The following PITPNB variants were observed in gnomAD, a reference collection of about 807,000 sequenced individuals.
PITPNB encodes phosphatidylinositol transfer protein beta, also known as phosphatidylinositol transfer protein beta isoform.
PITPNB carries 16 observed loss-of-function variants against 45.9 expected under a neutral mutation model. The ratio of observed to expected loss-of-function variants is 0.35; its 90% CI spans 0.24 to 0.53. The LOEUF is 0.53. Among genes scored for constraint, PITPNB ranks in the 20% least tolerant of loss-of-function variants. The pLI, the probability that PITPNB is intolerant of heterozygous loss-of-function variation, is 0.93. For synonymous variants in PITPNB, 112 were observed against 108.9 expected (o/e 1.03, Z -0.18); for missense variants, 188 against 330.5 (o/e 0.57, Z 3.34).
chr22:27,869,322 C>T (rs1934580230), intron 8 of PITPNB, among the ~76,000 whole-genome samples: 2 of 152,098 alleles, frequency 1.3e-5, no homozygotes, highest in African/African-American at 4.8e-5. Flanking sequence ...CAACTGAGGC[C>T]TGCATCTCTG....
chr22:27,872,847 T>C (rs568272580), intron 8 of PITPNB, among the ~76,000 whole-genome samples: 1 of 152,244 alleles, frequency 6.6e-6, no homozygotes, highest in Non-Finnish European at 1.5e-5. Context: ...CATTAAGACT[T>C]CTTTAAGGAT....
chr22:27,905,887 G>C (rs1935743476), intron 3 of PITPNB, among the ~76,000 whole-genome samples: 1 of 152,222 alleles, frequency 6.6e-6, no homozygotes, highest in African/African-American at 2.4e-5. Context: ...AATACCATCT[G>C]AAAGTTACAA....
Position 27,919,196 on chromosome 22 carries a change from C to T in PITPNB, c.-5G>A. ...CAATTCCTTGATCAGCACCATCTTC[C>T]CGGAACCCCCTCACAGCTGCCGCCG... On this transcript the variant is annotated 5_prime_UTR_variant, in exon 1 of 12. Coordinates refer to ENST00000335272, the MANE Select transcript of PITPNB (RefSeq NM_012399.5). The T allele has an allele frequency of 1.9e-6, 3 of 1,613,490 alleles. No individual in the cohort carries two copies. The highest frequency in any genetic ancestry group is 1.1e-5 in the South Asian group (1 of 91,084).
At chr22:27,893,759 C>T (rs1009991411) in intron 7 of PITPNB, among the ~76,000 whole-genome samples, 1 of 151,698 alleles carries the variant, frequency 6.6e-6, no homozygotes, top group Non-Finnish European at 1.5e-5. Flanking sequence ...CCCAGCTAAT[C>T]GTTTTTTTCT....
chr22:27,902,580 A>G (rs1005407182), intron 3 of PITPNB, among the ~76,000 whole-genome samples: 2 of 152,238 alleles, frequency 1.3e-5, no homozygotes, highest in Non-Finnish European at 2.9e-5. Context: ...ATAAAAACTA[A>G]AACTATAAAA....
chr22:27,909,167 C>A (rs1935845692), intron 3 of PITPNB, among the ~76,000 whole-genome samples: 1 of 151,134 alleles, frequency 6.6e-6, no homozygotes, highest in African/African-American at 2.4e-5. Flanking sequence ...CTCTTAAAAG[C>A]CATTACTGGT....
chr22:27,910,144 G>A (rs530251843), intron 3 of PITPNB, among the ~76,000 whole-genome samples: 1 of 152,028 alleles, frequency 6.6e-6, no homozygotes, highest in African/African-American at 2.4e-5. Context: ...TAGAGACAGG[G>A]TTTCACCATG....
intron 8 of PITPNB, among the ~76,000 whole-genome samples, chr22:27,873,395 T>C (rs983485558): frequency 6.6e-6 from 1 of 152,246 alleles, no homozygotes; most frequent in African/African-American, 2.4e-5. Flanking sequence ...CAGTTTTTAA[T>C]AAGACTAAAT....
At chr22:27,872,285 G>A (rs1486191964) in intron 8 of PITPNB, among the ~76,000 whole-genome samples, 1 of 151,614 alleles carries the variant, frequency 6.6e-6, no homozygotes, top group Non-Finnish European at 1.5e-5. Flanking sequence ...GTAGAGATGG[G>A]GTTTCAACAT....
intron 9 of PITPNB, among the ~76,000 whole-genome samples, chr22:27,858,762 T>TA (rs1358189775): frequency 1.3e-5 from 2 of 152,242 alleles, no homozygotes; most frequent in Non-Finnish European, 2.9e-5. Context: ...TAGTAGAAAC[T>TA]AAAAAAATGC....
At chr22:27,911,675 C>T (rs111800232) in intron 2 of PITPNB, among the ~76,000 whole-genome samples, 7 of 152,270 alleles carry the variant, frequency 4.6e-5, no homozygotes, top group African/African-American at 1.2e-4. Flanking sequence ...TAACTTATGA[C>T]TTATTTATGA....
chr22:27,915,070 T>C (rs898130960), intron 1 of PITPNB, among the ~76,000 whole-genome samples: 1 of 152,208 alleles, frequency 6.6e-6, no homozygotes, highest in Non-Finnish European at 1.5e-5. Context: ...TATTGTTTTA[T>C]CAAAATATTG....
At chr22:27,870,264 T>C (rs1246171857) in intron 8 of PITPNB, among the ~76,000 whole-genome samples, 2 of 152,218 alleles carry the variant, frequency 1.3e-5, no homozygotes, top group Non-Finnish European at 2.9e-5. Context: ...AAAGATTAAA[T>C]GTAACCTTGT....
chr22:27,916,449 C>T (rs1012581884), intron 1 of PITPNB, among the ~76,000 whole-genome samples: 3 of 152,156 alleles, frequency 2.0e-5, no homozygotes, highest in African/African-American at 7.2e-5. Context: ...TCATCTACTG[C>T]TTAAATAATA....
At chr22:27,871,098 A>G (rs896916261) in intron 8 of PITPNB, among the ~76,000 whole-genome samples, 8 of 152,258 alleles carry the variant, frequency 5.3e-5, no homozygotes, top group African/African-American at 1.7e-4. Flanking sequence ...GAAATACAAA[A>G]TTCACATTAT....
intron 1 of PITPNB, among the ~76,000 whole-genome samples, chr22:27,917,755 A>G (rs552388198): frequency 1.3e-5 from 2 of 152,356 alleles, no homozygotes; most frequent in South Asian, 4.1e-4. Context: ...TGGCCCTTAC[A>G]TGTAAAAAGA....
intron 8 of PITPNB, among the ~76,000 whole-genome samples, chr22:27,869,078 C>T (rs1410688282): frequency 6.7e-6 from 1 of 150,086 alleles, no homozygotes; most frequent in Admixed American, 6.6e-5. Flanking sequence ...GAAACAGGTA[C>T]ACACACACAC....
chr22:27,876,073 C>T (rs1784497922), intron 7 of PITPNB, among the ~76,000 whole-genome samples: 2 of 152,194 alleles, frequency 1.3e-5, no homozygotes. Context: ...CAAGCTCCTT[C>T]ATTTGACAGA....
chr22:27,888,485 A>G (rs1463788805), intron 7 of PITPNB, among the ~76,000 whole-genome samples: 2 of 152,226 alleles, frequency 1.3e-5, no homozygotes, highest in Admixed American at 1.3e-4. Flanking sequence ...GTGTTATCAA[A>G]AGGACATCAA....
Sources: allele counts gnomAD v4.1 joint callset (sites outside exome capture counted in the v4.1 genomes callset), GRCh38; gene constraint gnomAD v4.1.1; transcripts MANE v1.5; gene names NCBI Gene and HGNC (gene_info 2026-07-23, HGNC 2026-07-21).